CYB5R4: variants seen among roughly 807,000 people sequenced by gnomAD.
CYB5R4 encodes the protein cytochrome b5 reductase 4.
Under a neutral mutation model 70.2 loss-of-function variants are expected in CYB5R4, and 55 were observed. The observed-to-expected ratio is 0.78, with a 90% CI of 0.63 to 0.98. CYB5R4 has a LOEUF of 0.98. Ranked by LOEUF, CYB5R4 falls within the 50% of genes least tolerant of loss-of-function variation. The pLI is 0.00. For missense variants in CYB5R4, 562 were observed against 612.6 expected (o/e 0.92, Z 0.87); for synonymous variants, 197 against 199.5 (o/e 0.99, Z 0.11).
Position 83,962,880 on chromosome 6 carries a change from A to G in CYB5R4, c.*3002A>G, listed in dbSNP as rs1195064417. ...GGCCCTCTTCAGCATTAGTGGATGA[A>G]TCTCATGCTTTCAGTCTCTCTGAAT... On this transcript the variant is annotated 3_prime_UTR_variant, in exon 16 of 16. Coordinates refer to ENST00000369681, the MANE Select transcript of CYB5R4 (RefSeq NM_016230.4). 6.6e-6 allele frequency: 1 copy of G among 152,198 alleles called. No individual in the cohort carries two copies. The highest frequency in any genetic ancestry group is 2.1e-4 in the South Asian group (1 of 4,832). The allele number at this position is 152,198 out of a possible 1,614,324, so 9.4% of individuals were successfully genotyped here.
At chr6:83,955,560 A>C (rs1475975514) in intron 15 of CYB5R4, 98 bp downstream of exon 15, 2 of 1,137,522 alleles carry the variant, frequency 1.8e-6, no homozygotes, top group South Asian at 1.9e-5. Context: ...ATGAAACTGC[A>C]CTTTAATAAT....
At chr6:83,873,138 CATAA>C (rs1160394963) in intron 2 of CYB5R4, among the ~76,000 whole-genome samples, 1 of 149,942 alleles carries the variant, frequency 6.7e-6, no homozygotes, top group Non-Finnish European at 1.5e-5. Context: ...AGTGACATAA[CATAA>C]ATTAATTAAG....
At chr6:83,902,112 T>C (rs2099463074) in intron 3 of CYB5R4, among the ~76,000 whole-genome samples, 1 of 152,132 alleles carries the variant, frequency 6.6e-6, no homozygotes, top group African/African-American at 2.4e-5. Flanking sequence ...TGTCATGAAG[T>C]GTTTTTCCAG....
At chr6:83,936,081 A>G (rs2099468883) in intron 11 of CYB5R4, 143 bp from the exon 12 acceptor site, 1 of 586,238 alleles carries the variant, frequency 1.7e-6, no homozygotes, top group Non-Finnish European at 2.9e-6. Flanking sequence ...CTATATACAT[A>G]TAGAAAAATA....
At chr6:83,872,688 T>C (rs1198094614) in intron 2 of CYB5R4, among the ~76,000 whole-genome samples, 1 of 152,224 alleles carries the variant, frequency 6.6e-6, no homozygotes, top group Non-Finnish European at 1.5e-5. Context: ...CTAGTTCTGT[T>C]CTGTTTCTCT....
intron 2 of CYB5R4, among the ~76,000 whole-genome samples, chr6:83,888,215 G>A (rs1489336008): frequency 1.3e-5 from 2 of 152,132 alleles, no homozygotes; most frequent in African/African-American, 4.8e-5. Context: ...CTAAAAACCA[G>A]GTGGAACTCA....
Position 83,965,571 on chromosome 6 carries a change from T to A in CYB5R4, c.*5693T>A, listed in dbSNP as rs1016397141. On this transcript the variant is annotated 3_prime_UTR_variant, in exon 16 of 16. Coordinates refer to ENST00000369681, the MANE Select transcript of CYB5R4 (RefSeq NM_016230.4). ...GGCTCATAAGTGGAAGGGACTTGCC[T>A]TGTCTCAGATGAGACTTTTGAACTG... is the stretch of plus-strand genomic sequence containing the variant. The A allele has an allele frequency of 1.3e-5, 2 of 152,240 alleles. No individual in the cohort carries two copies. The highest frequency in any genetic ancestry group is 1.3e-4 in the Admixed American group (2 of 15,286). 9.4% of individuals were successfully genotyped at this position (152,240 alleles called of 1,614,324 possible).
At chr6:83,926,887 A>G (rs370632401) in intron 10 of CYB5R4, among the ~76,000 whole-genome samples, 1 of 152,202 alleles carries the variant, frequency 6.6e-6, no homozygotes, top group Non-Finnish European at 1.5e-5. Context: ...CTCTGATGCC[A>G]GAGGTACTTG....
At chr6:83,916,794 A>G (rs1409853853) in intron 5 of CYB5R4, among the ~76,000 whole-genome samples, 1 of 152,182 alleles carries the variant, frequency 6.6e-6, no homozygotes, top group Non-Finnish European at 1.5e-5. Flanking sequence ...TGTGTCTAAA[A>G]AGAATCTTGA....
chr6:83,896,780 G>T (rs1319118063), intron 3 of CYB5R4, among the ~76,000 whole-genome samples: 1 of 152,048 alleles, frequency 6.6e-6, no homozygotes, highest in African/African-American at 2.4e-5. Context: ...TTTTACTTTG[G>T]ATAGATACCC....
chr6:83,901,639 C>G (rs2099462976), intron 3 of CYB5R4, among the ~76,000 whole-genome samples: 1 of 151,940 alleles, frequency 6.6e-6, no homozygotes, highest in Non-Finnish European at 1.5e-5. Flanking sequence ...TCCCATATTT[C>G]TTGGAGGCTT....
intron 3 of CYB5R4, among the ~76,000 whole-genome samples, chr6:83,899,923 G>A (rs1283036787): frequency 6.6e-6 from 1 of 152,092 alleles, no homozygotes; most frequent in Non-Finnish European, 1.5e-5. Context: ...CCAGCTCCTG[G>A]ATTCATTGAT....
chr6:83,936,115 T>C (rs988412939), intron 11 of CYB5R4, 109 bp from the exon 12 acceptor site: 7 of 673,770 alleles, frequency 1.0e-5, no homozygotes, highest in African/African-American at 9.2e-5. Context: ...GCCCATTAGG[T>C]ATATAGTTTT....
intron 10 of CYB5R4, among the ~76,000 whole-genome samples, chr6:83,933,625 C>T (rs903615247): frequency 2.6e-5 from 4 of 152,072 alleles, no homozygotes; most frequent in Admixed American, 6.5e-5. Flanking sequence ...AATATCTTCA[C>T]GTTATTCTGA....
rs1264213665 is a variant in CYB5R4, at chr6:83,965,483, A to G, written c.*5605A>G. 6.6e-6 allele frequency: 1 copy of G among 152,148 alleles called. No individual in the cohort carries two copies. Among genetic ancestry groups the G allele is most frequent in the African/African-American group, 2.4e-5 (1 of 41,428 alleles). The allele number at this position is 152,148 out of a possible 1,614,324, so 9.4% of individuals were successfully genotyped here. Reference sequence around the variant, plus strand: ...AATTTCTCCCATTTGGAATGGCTGTATTTACCCAATACCTGTACCCTCATT... The same window carrying G: ...AATTTCTCCCATTTGGAATGGCTGTGTTTACCCAATACCTGTACCCTCATT... On this transcript the variant is annotated 3_prime_UTR_variant, in exon 16 of 16. Transcript: ENST00000369681.
At chr6:83,912,552 C>G (rs1286639487) in intron 4 of CYB5R4, among the ~76,000 whole-genome samples, 1 of 152,184 alleles carries the variant, frequency 6.6e-6, no homozygotes, top group Non-Finnish European at 1.5e-5. Flanking sequence ...CTAAATGACT[C>G]TGACCTCTCC....
intron 12 of CYB5R4, among the ~76,000 whole-genome samples, chr6:83,939,824 A>G (rs1260926936): frequency 6.6e-6 from 1 of 152,154 alleles, no homozygotes; most frequent in Non-Finnish European, 1.5e-5. Flanking sequence ...AAACCTCATT[A>G]TTAATTTGAC....
intron 15 of CYB5R4, among the ~76,000 whole-genome samples, chr6:83,957,457 C>T (rs1002711039): frequency 6.6e-6 from 1 of 151,812 alleles, no homozygotes; most frequent in African/African-American, 2.4e-5. Context: ...CCCATCTCTA[C>T]TAAAAATACA....
chr6:83,922,475 G>A lies in CYB5R4; in HGVS notation c.691+5G>A. ...AGGTTCAGGAAGATTTTTCTGGTAAGCTACCAAAAACCAAAAATTATGTAT... is the reference window on the plus strand; with the variant it reads ...AGGTTCAGGAAGATTTTTCTGGTAAACTACCAAAAACCAAAAATTATGTAT... On this transcript the variant is annotated splice_donor_5th_base_variant and intron_variant, in intron 9 of 15. Coordinates refer to ENST00000369681, the MANE Select transcript of CYB5R4 (RefSeq NM_016230.4). 6.2e-7 allele frequency: 1 copy of A among 1,612,858 alleles called. No individual in the cohort carries two copies. The highest frequency in any genetic ancestry group is 1.1e-5 in the South Asian group (1 of 90,966).
Sources: gnomAD v4.1 joint callset for allele counts (sites outside exome capture counted in the v4.1 genomes callset) on GRCh38, gnomAD v4.1.1 for gene constraint, MANE v1.5 for transcripts, NCBI Gene and HGNC (gene_info 2026-07-23, HGNC 2026-07-21) for gene names.